Variants in MRPL3 observed in about 807,000 individuals in gnomAD.
MRPL3 encodes large ribosomal subunit protein uL3m.
MRPL3 carries 43 observed loss-of-function variants against 44.3 expected under a neutral mutation model. That is an observed-to-expected ratio of 0.97 (90% CI 0.76 to 1.25). The LOEUF (loss-of-function observed/expected upper bound fraction) is 1.25, where lower values mean the gene tolerates loss of function less well. Ranked by LOEUF, MRPL3 falls within the 50% of genes most tolerant of loss-of-function variation. The pLI is 0.00. For synonymous variants in MRPL3, 171 were observed against 152.3 expected (o/e 1.12, Z -0.91); for missense variants, 406 against 427.6 (o/e 0.95, Z 0.45).
At chr3:131,479,240 T>C (rs749541922) in intron 6 of MRPL3, 1 of 510,620 alleles carries the variant, frequency 2.0e-6, no homozygotes, top group African/African-American at 1.9e-5. Flanking sequence ...GCCCTCCAAA[T>C]TAAGTTTTCA....
At chr3:131,473,878 G>C (rs183166825) in intron 6 of MRPL3, among the ~76,000 whole-genome samples, 89 of 152,214 alleles carry the variant, frequency 5.8e-4, no homozygotes, top group Admixed American at 6.5e-4. Context: ...ATTCCAGTTA[G>C]AATGGCTACT....
intron 9 of MRPL3, 30 bp downstream of exon 9, chr3:131,468,049 CAAAAAAAAAAAA>C: frequency 1.2e-6 from 1 of 860,462 alleles, no homozygotes. Flanking sequence ...GAGTAAGAAA[CAAAAAAAAAAAA>C]GGAAAAAAAA....
At chr3:131,494,015 A>G (rs1934312579) in intron 4 of MRPL3, among the ~76,000 whole-genome samples, 1 of 152,204 alleles carries the variant, frequency 6.6e-6, no homozygotes, top group Non-Finnish European at 1.5e-5. Flanking sequence ...CTTATAACTT[A>G]CTCAGTTGCC....
chr3:131,471,095 T>G (rs534875425), intron 7 of MRPL3, 76 bp downstream of exon 7: 2 of 1,014,344 alleles, frequency 2.0e-6, no homozygotes, highest in South Asian at 1.3e-5. Flanking sequence ...TGACTTCATA[T>G]CAAGGACGGA....
chr3:131,462,681 G>A lies in MRPL3; in HGVS notation c.*42C>T, dbSNP rs761529688. 2.1e-5 allele frequency: 33 copies of A among 1,547,344 alleles called. No individual in the cohort carries two copies. The highest frequency in any genetic ancestry group is 2.8e-5 in the Non-Finnish European group (32 of 1,139,360). Reference sequence around the variant, plus strand: ...GGTTATGATATCACTCTGGCTCATCGAAGCTCACAGAATATGTAAGGTTCT... The same window carrying A: ...GGTTATGATATCACTCTGGCTCATCAAAGCTCACAGAATATGTAAGGTTCT... On this transcript the variant is annotated 3_prime_UTR_variant, in exon 10 of 10. Transcript: ENST00000264995.
At chr3:131,473,138 A>G (rs1405984774) in intron 6 of MRPL3, among the ~76,000 whole-genome samples, 2 of 152,208 alleles carry the variant, frequency 1.3e-5, no homozygotes, top group African/African-American at 4.8e-5. Context: ...AGCTGGAGAC[A>G]TCATACTACT....
At chr3:131,483,189 G>A (rs1934033218) in intron 6 of MRPL3, among the ~76,000 whole-genome samples, 1 of 151,902 alleles carries the variant, frequency 6.6e-6, no homozygotes, top group Non-Finnish European at 1.5e-5. Context: ...TCTATTCAAA[G>A]TTACAATGGA....
intron 6 of MRPL3, among the ~76,000 whole-genome samples, chr3:131,483,717 A>G (rs1351598587): frequency 2.0e-5 from 3 of 152,186 alleles, no homozygotes; most frequent in Non-Finnish European, 4.4e-5. Flanking sequence ...GTTACTGGCC[A>G]CTTTTTAAAA....
At chr3:131,464,105 G>A (rs1933548780) in intron 9 of MRPL3, among the ~76,000 whole-genome samples, 1 of 151,818 alleles carries the variant, frequency 6.6e-6, no homozygotes, top group Admixed American at 6.6e-5. Flanking sequence ...CTTTAAGAAG[G>A]GAAAAAGTCA....
At chr3:131,473,082 A>G (rs1484503225) in intron 6 of MRPL3, among the ~76,000 whole-genome samples, 1 of 152,226 alleles carries the variant, frequency 6.6e-6, no homozygotes, top group East Asian at 1.9e-4. Context: ...ATATGGAACC[A>G]CAAAAGACAC....
chr3:131,465,194 C>A (rs1413299891), intron 9 of MRPL3, among the ~76,000 whole-genome samples: 1 of 152,128 alleles, frequency 6.6e-6, no homozygotes, highest in African/African-American at 2.4e-5. Flanking sequence ...TGTTCTGATG[C>A]CAGTTTCTCA....
chr3:131,468,620 G>T (rs981566922), intron 8 of MRPL3, among the ~76,000 whole-genome samples: 1 of 151,912 alleles, frequency 6.6e-6, no homozygotes, highest in Non-Finnish European at 1.5e-5. Context: ...TACATAAATG[G>T]GAGAGAATGA....
At chr3:131,502,644 C>G (rs1414854996) in intron 1 of MRPL3, 86 bp downstream of exon 1, 1 of 1,129,100 alleles carries the variant, frequency 8.9e-7, no homozygotes, top group Non-Finnish European at 1.3e-6. Context: ...CCTTCCTCCT[C>G]CACCCAGGGG....
At chr3:131,480,952 C>T (rs186897535) in intron 6 of MRPL3, among the ~76,000 whole-genome samples, 4 of 152,262 alleles carry the variant, frequency 2.6e-5, no homozygotes, top group Admixed American at 6.5e-5. Context: ...ATAATGAAAT[C>T]GAAATCCCCA....
rs1207404581 is a variant in MRPL3, at chr3:131,501,920, T to C, written c.93-205A>G. The C allele has an allele frequency of 3.3e-6, 5 of 1,535,456 alleles. No individual in the cohort carries two copies. In the African/African-American group the frequency reaches 6.8e-5, roughly 21 times the overall value. On this transcript the variant is annotated intron_variant, in intron 1 of 9. Coordinates refer to ENST00000264995, the MANE Select transcript of MRPL3 (RefSeq NM_007208.4). ...AGGCTCACATTTAAACTGTTAGTCG[T>C]TACCCTGGAGAAAAAAATTCATCTT... is the stretch of plus-strand genomic sequence containing the variant.
At chr3:131,490,781 ATGCCAACGGCAAG>A (rs1318688398) in intron 4 of MRPL3, among the ~76,000 whole-genome samples, 2 of 152,236 alleles carry the variant, frequency 1.3e-5, no homozygotes, top group African/African-American at 4.8e-5. Flanking sequence ...CTTCTGGAAA[ATGCCAACGGCAAG>A]GGCCCTCTGC....
intron 5 of MRPL3, among the ~76,000 whole-genome samples, chr3:131,489,746 A>G (rs1187723235): frequency 1.3e-5 from 2 of 151,942 alleles, no homozygotes; most frequent in Non-Finnish European, 2.9e-5. Context: ...TTCAAATATT[A>G]AACTCTCTCT....
chr3:131,489,279 C>T (rs1333093230), intron 5 of MRPL3, among the ~76,000 whole-genome samples: 2 of 152,006 alleles, frequency 1.3e-5, no homozygotes, highest in African/African-American at 4.8e-5. Context: ...ATCTTAACTT[C>T]AAAGAATACT....
intron 9 of MRPL3, among the ~76,000 whole-genome samples, chr3:131,467,193 T>A (rs1321084889): frequency 6.6e-6 from 1 of 152,108 alleles, no homozygotes; most frequent in East Asian, 1.9e-4. Flanking sequence ...TGAAGATTAT[T>A]CTAGCGTGTG....
Sources: allele counts gnomAD v4.1 joint callset (sites outside exome capture counted in the v4.1 genomes callset), GRCh38; gene constraint gnomAD v4.1.1; transcripts MANE v1.5; gene names NCBI Gene and HGNC (gene_info 2026-07-23, HGNC 2026-07-21).